Variants in NEK4 observed in about 807,000 individuals in gnomAD.
NEK4 encodes serine/threonine-protein kinase Nek4.
In NEK4, 86 loss-of-function variants were observed where a neutral mutation model predicts 98.4. The ratio of observed to expected loss-of-function variants is 0.87; its 90% confidence interval spans 0.73 to 1.05. The LOEUF is 1.05. Ranked by LOEUF, NEK4 falls within the 50% of genes least tolerant of loss-of-function variation. The probability of loss-of-function intolerance (pLI) is 0.00; values close to 1 mark genes in which losing one functional copy is unlikely to be tolerated. For missense variants in NEK4, 898 were observed against 950.3 expected (o/e 0.94, Z 0.72); for synonymous variants, 328 against 342.2 (o/e 0.96, Z 0.46).
chr3:52,762,997 G>A (rs1391505327), intron 5 of NEK4, among the ~76,000 whole-genome samples: 1 of 152,168 alleles, frequency 6.6e-6, no homozygotes, highest in Non-Finnish European at 1.5e-5. Context: ...GTACCAGAAG[G>A]AAAGTAACAT....
At chr3:52,731,139 G>A (rs899189970) in intron 15 of NEK4, among the ~76,000 whole-genome samples, 1 of 152,220 alleles carries the variant, frequency 6.6e-6, no homozygotes, top group Non-Finnish European at 1.5e-5. Context: ...AAGGAGGTAA[G>A]TGGGAGCAAA....
chr3:52,721,565 C>CA (rs1353587448), intron 15 of NEK4, among the ~76,000 whole-genome samples: 4 of 148,878 alleles, frequency 2.7e-5, no homozygotes, highest in Admixed American at 6.7e-5. Flanking sequence ...CTGTCTCTAC[C>CA]AAAAAAAAAA....
chr3:52,734,195 C>T (rs568952040), intron 15 of NEK4, among the ~76,000 whole-genome samples: 117 of 152,034 alleles, frequency 7.7e-4, no homozygotes, highest in African/African-American at 2.6e-3. Flanking sequence ...GCCTGTAATC[C>T]CAGCATTTTG....
rs1205470539 is a variant in NEK4 at position 52,709,233 on chromosome 3, T to TAAC, written c.*2541_*2543dup. 1 of 146,460 alleles carries TAAC rather than the reference T, an allele frequency of 6.8e-6. No individual in the cohort carries two copies. The highest frequency in any genetic ancestry group is 1.5e-5 in the Non-Finnish European group (1 of 66,586). 9.1% of individuals were successfully genotyped at this position (146,460 alleles called of 1,614,324 possible). On this transcript the variant is annotated 3_prime_UTR_variant, in exon 16 of 16. Coordinates refer to ENST00000233027, the MANE Select transcript of NEK4 (RefSeq NM_003157.6). ...CATTTTAGAACCAATGCCAAAAGAG[T>TAAC]AACACATCAAAGTCTCTGAACTGTG...
At chr3:52,715,077 G>A (rs1179172761) in intron 15 of NEK4, among the ~76,000 whole-genome samples, 1 of 152,238 alleles carries the variant, frequency 6.6e-6, no homozygotes, top group Non-Finnish European at 1.5e-5. Context: ...GGTCCCCGGT[G>A]AGGCCCCACC....
intron 1 of NEK4, among the ~76,000 whole-genome samples, chr3:52,769,347 G>A (rs1232238001): frequency 2.0e-5 from 3 of 152,174 alleles, no homozygotes. Context: ...GATACTCAAA[G>A]GGATCCATGG....
At chr3:52,752,411 G>A in intron 6 of NEK4, 75 bp from the exon 7 acceptor site, 1 of 1,410,014 alleles carries the variant, frequency 7.1e-7, no homozygotes, top group Non-Finnish European at 9.6e-7. Context: ...AATGCAACAA[G>A]AGGTTCCTCA....
chr3:52,761,685 AG>A (rs1698364430), intron 5 of NEK4, among the ~76,000 whole-genome samples: 1 of 152,212 alleles, frequency 6.6e-6, no homozygotes, highest in South Asian at 2.1e-4. Context: ...AGGGGTATAC[AG>A]GAACTCTCCA....
At chr3:52,744,454 G>A in intron 10 of NEK4, 149 bp from the exon 11 acceptor site, 2 of 680,992 alleles carry the variant, frequency 2.9e-6, no homozygotes, top group South Asian at 1.6e-5. Context: ...GGGAGGCTGG[G>A]GTGGGCAGAT....
chr3:52,766,263 T>C lies in NEK4; in HGVS notation c.473A>G (p.Asn158Ser), dbSNP rs767227136. Reference protein sequence around the residue: ...GDLGIARVLENHCDMASTLIG... With the variant: ...GDLGIARVLESHCDMASTLIG... ...GAGGGTGCTAGCCATGTCACAGTGGTTCTCTAACACTCGGGCAATTCCTAG... is the reference window on the plus strand; with the variant it reads ...GAGGGTGCTAGCCATGTCACAGTGGCTCTCTAACACTCGGGCAATTCCTAG... The change falls in exon 3 of 16, where the codon AAC (asparagine) becomes AGC (serine). Residue 158 changes from asparagine to serine, a missense_variant. Coordinates refer to ENST00000233027, the MANE Select transcript of NEK4 (RefSeq NM_003157.6). 5.0e-6 allele frequency: 8 copies of C among 1,614,080 alleles called. No individual in the cohort carries two copies. Among genetic ancestry groups the C allele is most frequent in the Non-Finnish European group, 6.8e-6 (8 of 1,179,950 alleles).
intron 9 of NEK4, among the ~76,000 whole-genome samples, 173 bp from the exon 10 acceptor site, chr3:52,746,383 G>A (rs2097396142): frequency 6.6e-6 from 1 of 152,170 alleles, no homozygotes; most frequent in African/African-American, 2.4e-5. Context: ...GTTATGGAGA[G>A]GATACGTGTT....
At chr3:52,761,907 T>A (rs1165853382) in intron 5 of NEK4, among the ~76,000 whole-genome samples, 2 of 152,172 alleles carry the variant, frequency 1.3e-5, no homozygotes, top group Admixed American at 1.3e-4. Context: ...AGGAATAACA[T>A]CCCCAACTAT....
chr3:52,714,411 A>C (rs2097353207), intron 15 of NEK4, among the ~76,000 whole-genome samples: 1 of 152,192 alleles, frequency 6.6e-6, no homozygotes, highest in South Asian at 2.1e-4. Flanking sequence ...TGATGGCAGG[A>C]GCAGCTGCAG....
chr3:52,725,920 T>A (rs1187935841), intron 15 of NEK4, among the ~76,000 whole-genome samples: 1 of 152,034 alleles, frequency 6.6e-6, no homozygotes, highest in Non-Finnish European at 1.5e-5. Context: ...AAGATAGAAA[T>A]TGGCAGAATG....
intron 8 of NEK4, among the ~76,000 whole-genome samples, chr3:52,748,005 G>A (rs2097399215): frequency 6.6e-6 from 1 of 151,866 alleles, no homozygotes; most frequent in Admixed American, 6.6e-5. Context: ...TGTCGCCCAG[G>A]CTGGAGTGCA....
chr3:52,740,201 G>A (rs1265918589), intron 13 of NEK4, among the ~76,000 whole-genome samples: 1 of 152,136 alleles, frequency 6.6e-6, no homozygotes, highest in Non-Finnish European at 1.5e-5. Context: ...TCATACATTT[G>A]TGAAGAGAAA....
In NEK4 at chr3:52,765,829, C is replaced by T. The variant is rs544558051; in HGVS notation, c.666+58G>A. On this transcript the variant is annotated intron_variant, in intron 4 of 15. Coordinates refer to ENST00000233027, the MANE Select transcript of NEK4 (RefSeq NM_003157.6). ...AAATCATCAATGATTTTGCTAGTAG[C>T]TATTTATAAAGCTGCACTATAGAAA... 1.2e-5 allele frequency: 12 copies of T among 999,122 alleles called. No homozygotes were observed. The East Asian group carries it at 2.6e-4, about 22-fold the overall frequency. 61.9% of individuals were successfully genotyped at this position (999,122 alleles called of 1,614,324 possible).
intron 13 of NEK4, among the ~76,000 whole-genome samples, chr3:52,740,453 T>A (rs1326592185): frequency 6.6e-6 from 1 of 151,958 alleles, no homozygotes; most frequent in East Asian, 1.9e-4. Flanking sequence ...AAGAAAAGAT[T>A]AATGAACTCA....
intron 4 of NEK4, among the ~76,000 whole-genome samples, chr3:52,765,583 TAGA>T (rs2154106935): frequency 6.6e-6 from 1 of 152,302 alleles, no homozygotes; most frequent in Non-Finnish European, 1.5e-5. Context: ...ATAGGCTGCT[TAGA>T]AGAAGAGACA....
Sources: gnomAD v4.1 joint callset for allele counts (sites outside exome capture counted in the v4.1 genomes callset) on GRCh38, gnomAD v4.1.1 for gene constraint, MANE v1.5 for transcripts, NCBI Gene and HGNC (gene_info 2026-07-23, HGNC 2026-07-21) for gene names.